Variants in LRRC8B observed in about 807,000 individuals in gnomAD.
LRRC8B encodes volume-regulated anion channel subunit LRRC8B.
In LRRC8B, 23 loss-of-function variants were observed where a neutral mutation model predicts 58.8. That is an observed-to-expected ratio of 0.39 (90% CI 0.28 to 0.55). The LOEUF is 0.55. Among genes scored for constraint, LRRC8B ranks in the 20% least tolerant of loss-of-function variants. The pLI, the probability that LRRC8B is intolerant of heterozygous loss-of-function variation, is 0.62. For synonymous variants in LRRC8B, 359 were observed against 374.1 expected (o/e 0.96, Z 0.47); for missense variants, 694 against 936.0 (o/e 0.74, Z 3.37).
rs1192924030 is a variant in LRRC8B at position 89,570,092 on chromosome 1, G to GT, written c.-125+1600dup. On this transcript the variant is annotated intron_variant, in intron 3 of 5. Coordinates refer to ENST00000330947, the MANE Select transcript of LRRC8B (RefSeq NM_001369817.2). ...CTGCATGGTATTCCATGGTGTATAT[G>GT]TACCACATTTTCTTTATCCAGTCTA... Among the ~76,000 whole-genome samples, 5 of 152,252 alleles carry GT rather than the reference G, an allele frequency of 3.3e-5. No individual in the cohort carries two copies. The East Asian group carries it at 9.6e-4, about 29-fold the overall frequency.
At chr1:89,576,696 G>A (rs1257577963) in intron 3 of LRRC8B, among the ~76,000 whole-genome samples, 1 of 152,146 alleles carries the variant, frequency 6.6e-6, no homozygotes, top group Non-Finnish European at 1.5e-5. Context: ...ATTAATGTTA[G>A]AGAACCACTA....
rs534340903 is a variant in LRRC8B, at chr1:89,595,107, C to T, written c.*2064C>T. The stretch of plus-strand genomic sequence containing the variant: ...ATAGGACACCAAACACACTGCCTCA[C>T]ACATTATTGTTTATTCTGAACGGAA... On this transcript the variant is annotated 3_prime_UTR_variant, in exon 6 of 6. Transcript: ENST00000330947. The T allele has an allele frequency of 1.2e-4, 19 of 152,270 alleles. No homozygotes were observed. The highest frequency in any genetic ancestry group is 4.3e-4 in the African/African-American group (18 of 41,540). 9.4% of individuals were successfully genotyped at this position (152,270 alleles called of 1,614,324 possible).
At chr1:89,540,417 T>C (rs1031725135) in intron 1 of LRRC8B, among the ~76,000 whole-genome samples, 2 of 152,240 alleles carry the variant, frequency 1.3e-5, no homozygotes, top group Non-Finnish European at 2.9e-5. Flanking sequence ...CCAATTTTGT[T>C]ATCTGTTGTA....
intron 1 of LRRC8B, among the ~76,000 whole-genome samples, chr1:89,551,429 G>A (rs1459638): frequency 6.4e-4 from 97 of 152,046 alleles, no homozygotes; most frequent in African/African-American, 2.3e-3. Context: ...AAACTTTTGA[G>A]CATTATATAG....
At chr1:89,578,741 CT>C (rs5776022) in intron 3 of LRRC8B, among the ~76,000 whole-genome samples, 61,366 of 151,468 alleles carry the variant, frequency 0.41, 13,723 homozygotes, top group South Asian at 0.55. Flanking sequence ...TCCCTAGAAA[CT>C]TTTTTTTTGA....
rs546268849 is a variant in LRRC8B, at chr1:89,594,614, G to T, written c.*1571G>T. ...AAAATGAGTTCTCAAAACCCACAAA[G>T]AAATAGATCCATTTAACTGAAATTC... On this transcript the variant is annotated 3_prime_UTR_variant, in exon 6 of 6. Coordinates refer to ENST00000330947, the MANE Select transcript of LRRC8B (RefSeq NM_001369817.2). 4.1e-4 allele frequency: 63 copies of T among 152,150 alleles called. 1 individual carries two copies. The highest frequency in any genetic ancestry group is 1.4e-3 in the African/African-American group (59 of 41,538). The allele number at this position is 152,150 out of a possible 1,614,324, so 9.4% of individuals were successfully genotyped here.
intron 1 of LRRC8B, among the ~76,000 whole-genome samples, chr1:89,555,773 T>C (rs1215934755): frequency 6.6e-6 from 1 of 152,214 alleles, no homozygotes; most frequent in Non-Finnish European, 1.5e-5. Context: ...ACCTTTTAAG[T>C]GAACTATCTG....
chr1:89,585,847 A>G (rs1044102580), intron 5 of LRRC8B, among the ~76,000 whole-genome samples: 32 of 152,140 alleles, frequency 2.1e-4, no homozygotes, highest in African/African-American at 7.2e-4. Flanking sequence ...AAAATGTATT[A>G]TCTTTTAGAC....
rs781659302 is a variant in LRRC8B at position 89,582,804 on chromosome 1, G to T, written c.154G>T (p.Val52Phe). 3 of 1,614,070 alleles carry T rather than the reference G, an allele frequency of 1.9e-6. No individual in the cohort carries two copies. Among genetic ancestry groups the T allele is most frequent in the Non-Finnish European group, 2.5e-6 (3 of 1,180,044 alleles). Residue 52 changes from valine (V) to phenylalanine (F), a missense_variant, in exon 5 of 6, where the codon GTT becomes TTT. This residue lies in a region of LRRC8B where 316 missense variants were observed against 403.8 expected (regional missense o/e 0.78). Transcript: ENST00000330947. ...AGCTCTCCAGCTGACGCAGAGCAGG[G>T]TTCTGTGCTGTCTTCCATGCAAAGT... ...AGALQLTQSR[V>F]LCCLPCKVEF...
At chr1:89,556,848 G>T (rs950424705) in intron 1 of LRRC8B, among the ~76,000 whole-genome samples, 3 of 152,144 alleles carry the variant, frequency 2.0e-5, no homozygotes, top group Non-Finnish European at 4.4e-5. Context: ...AAACAGACTG[G>T]TTTCTTTCTG....
In LRRC8B at chr1:89,595,920, AT is replaced by A. The variant is rs1251060249; in HGVS notation, c.*2878del. 6.6e-6 allele frequency: 1 copy of A among 152,186 alleles called. No homozygotes were observed. Among genetic ancestry groups the A allele is most frequent in the African/African-American group, 2.4e-5 (1 of 41,472 alleles). 9.4% of individuals were successfully genotyped at this position (152,186 alleles called of 1,614,324 possible). On this transcript the variant is annotated 3_prime_UTR_variant, in exon 6 of 6. Transcript: ENST00000330947. ...AGAATACATATGCATTTTCCAAAAA[AT>A]AAATGTGGAGGTTATTCAGAACAAA...
At chr1:89,562,752 G>A (rs980257834) in intron 1 of LRRC8B, among the ~76,000 whole-genome samples, 1 of 152,150 alleles carries the variant, frequency 6.6e-6, no homozygotes. Flanking sequence ...TTACAGGCAT[G>A]AGCCACCTTG....
At chr1:89,567,081 C>T (rs1009335792) in intron 1 of LRRC8B, among the ~76,000 whole-genome samples, 1 of 152,128 alleles carries the variant, frequency 6.6e-6, no homozygotes, top group Admixed American at 6.5e-5. Context: ...AACTGGTGGA[C>T]GTGCTGACGC....
chr1:89,583,538 T>A lies in LRRC8B; in HGVS notation c.888T>A (p.Phe296Leu). The change falls in exon 5 of 6, where the codon TTT becomes TTA. Residue 296 changes from phenylalanine (F) to leucine (L), a missense_variant. Physicochemically the swap from Phe to Leu is conservative, Grantham distance 22 (BLOSUM62 0). This residue lies in a region of LRRC8B where 316 missense variants were observed against 403.8 expected (regional missense o/e 0.78). Transcript: ENST00000330947. The surrounding 1 kb of genome is among the most constrained non-coding windows in gnomAD (Gnocchi z 5.2). ...ACTGTTCAGTTGATGTGCAGGCTTT[T>A]ACAGGATATAAGCGCTACCAGTGTG... is the stretch of plus-strand genomic sequence containing the variant. ...EIDCSVDVQA[F>L]TGYKRYQCVY... 2 of 1,612,626 alleles carry A rather than the reference T, an allele frequency of 1.2e-6. No individual in the cohort carries two copies. Among genetic ancestry groups the A allele is most frequent in the Middle Eastern group, 3.3e-4 (2 of 6,062 alleles).
intron 1 of LRRC8B, among the ~76,000 whole-genome samples, chr1:89,550,231 C>G (rs1030210720): frequency 6.6e-6 from 1 of 152,196 alleles, no homozygotes; most frequent in Non-Finnish European, 1.5e-5. Context: ...CACACTCAGG[C>G]ACATCTTAGT....
In LRRC8B at chr1:89,584,108, G is replaced by A. The variant is rs1230417668; in HGVS notation, c.1458G>A (p.Glu486=). 2.2e-5 allele frequency: 35 copies of A among 1,613,612 alleles called. No individual in the cohort carries two copies. Among genetic ancestry groups the A allele is most frequent in the Non-Finnish European group, 2.8e-5 (33 of 1,180,012 alleles). ...VVDHPALAFL[E]ENLKILRLKF... ...ACCATCCTGCACTGGCCTTTCTAGA[G>A]GAGAATTTAAAAATCCTCCGCCTGA... The change falls in exon 5 of 6, where the codon GAG becomes GAA. Residue 486 remains glutamate (E), a synonymous_variant. Coordinates refer to ENST00000330947, the MANE Select transcript of LRRC8B (RefSeq NM_001369817.2).
chr1:89,538,881 C>T (rs540243269), intron 1 of LRRC8B, among the ~76,000 whole-genome samples: 124 of 152,158 alleles, frequency 8.1e-4, no homozygotes, highest in African/African-American at 2.3e-3. Context: ...CCACCACACC[C>T]GGCTAATTTA....
chr1:89,566,255 G>A (rs1054292542), intron 1 of LRRC8B, among the ~76,000 whole-genome samples: 3 of 152,188 alleles, frequency 2.0e-5, no homozygotes, highest in Admixed American at 6.5e-5. Context: ...TTCCTGGAAC[G>A]CAGATGAAGG....
At chr1:89,567,397 A>G (rs945070786) in intron 1 of LRRC8B, among the ~76,000 whole-genome samples, 2 of 152,234 alleles carry the variant, frequency 1.3e-5, no homozygotes, top group African/African-American at 2.4e-5. Context: ...ACAAATTGTC[A>G]TTATGAGAGA....
Sources: allele counts gnomAD v4.1 joint callset (sites outside exome capture counted in the v4.1 genomes callset), GRCh38; gene constraint gnomAD v4.1.1; regional missense constraint gnomAD v4.1.1; non-coding constraint Gnocchi (gnomAD v3.1); transcripts MANE v1.5; gene names NCBI Gene and HGNC (gene_info 2026-07-23, HGNC 2026-07-21).